Variants in FAH observed in about 807,000 individuals in gnomAD.
FAH encodes fumarylacetoacetate hydrolase, also known as fumarylacetoacetase.
Under a neutral mutation model 55.8 loss-of-function variants are expected in FAH, and 47 were observed. The observed-to-expected ratio is 0.84, with a 90% CI of 0.67 to 1.07. FAH has a LOEUF of 1.07. Ranked by LOEUF, FAH falls within the 50% of genes least tolerant of loss-of-function variation. The pLI, the probability that FAH is intolerant of heterozygous loss-of-function variation, is 0.00. For synonymous variants in FAH, 199 were observed against 207.7 expected (o/e 0.96, Z 0.36); for missense variants, 495 against 545.9 (o/e 0.91, Z 0.93).
intron 13 of FAH, 63 bp downstream of exon 13, chr15:80,181,222 C>A: frequency 8.5e-7 from 1 of 1,173,176 alleles, no homozygotes; most frequent in African/African-American, 1.5e-5. Context: ...GTTCTAGCTG[C>A]GGGGCGCTCC....
chr15:80,181,750 T>A (rs905542701), intron 13 of FAH, among the ~76,000 whole-genome samples: 10 of 151,524 alleles, frequency 6.6e-5, no homozygotes, highest in Non-Finnish European at 7.4e-5. Flanking sequence ...TCTTTAATTA[T>A]TTTTTTTGTT....
intron 3 of FAH, chr15:80,160,198 A>G: frequency 1.5e-6 from 1 of 660,536 alleles, no homozygotes; most frequent in East Asian, 2.7e-5. Context: ...CCACTTGTCT[A>G]GTCCCATTTC....
chr15:80,159,067 CT>C (rs1265426685), intron 2 of FAH, among the ~76,000 whole-genome samples: 1 of 151,784 alleles, frequency 6.6e-6, no homozygotes, highest in East Asian at 1.9e-4. Flanking sequence ...GTGAAACCCC[CT>C]CTCTACTAAA....
intron 13 of FAH, among the ~76,000 whole-genome samples, chr15:80,185,376 C>G (rs2041361891): frequency 6.6e-6 from 1 of 152,180 alleles, no homozygotes; most frequent in South Asian, 2.1e-4. Flanking sequence ...AAACTGAGGT[C>G]TAGAGGGACC....
intron 5 of FAH, among the ~76,000 whole-genome samples, chr15:80,165,201 G>A (rs1416199383): frequency 3.9e-5 from 6 of 152,208 alleles, no homozygotes; most frequent in African/African-American, 9.6e-5. Context: ...GACCAGCCTG[G>A]CCAATATGGT....
chr15:80,183,482 C>T (rs1344775458), intron 13 of FAH, among the ~76,000 whole-genome samples: 1 of 152,220 alleles, frequency 6.6e-6, no homozygotes, highest in Non-Finnish European at 1.5e-5. Context: ...TCTGCCCTCA[C>T]CTTCTACGAC....
intron 13 of FAH, among the ~76,000 whole-genome samples, chr15:80,182,512 T>C (rs2041339814): frequency 6.6e-6 from 1 of 152,172 alleles, no homozygotes; most frequent in African/African-American, 2.4e-5. Context: ...TAAATACCCA[T>C]TTTGCTCCCA....
chr15:80,161,535 A>G (rs572263087), intron 4 of FAH, among the ~76,000 whole-genome samples: 1 of 152,106 alleles, frequency 6.6e-6, no homozygotes, highest in East Asian at 1.9e-4. Context: ...CAGATTTTTA[A>G]TTCTCCGAAT....
chr15:80,168,387 C>A, intron 7 of FAH, 71 bp downstream of exon 7: 1 of 1,523,284 alleles, frequency 6.6e-7, no homozygotes, highest in Non-Finnish European at 9.0e-7. Flanking sequence ...TGGGATGGCT[C>A]CCCGCACCAT....
intron 13 of FAH, among the ~76,000 whole-genome samples, chr15:80,185,089 A>G (rs2041359623): frequency 6.6e-6 from 1 of 152,142 alleles, no homozygotes; most frequent in Non-Finnish European, 1.5e-5. Flanking sequence ...AGTTTCTGAG[A>G]TGTGCTGGGA....
chr15:80,174,971 C>A, intron 9 of FAH, 45 bp from the exon 10 acceptor site: 1 of 1,576,880 alleles, frequency 6.3e-7, no homozygotes, highest in South Asian at 1.1e-5. Flanking sequence ...CGGGTGAGCT[C>A]AGCCCACCTG....
intron 5 of FAH, among the ~76,000 whole-genome samples, chr15:80,164,052 A>G (rs1179438406): frequency 1.3e-5 from 2 of 152,240 alleles, no homozygotes; most frequent in African/African-American, 2.4e-5. Flanking sequence ...ATATATGTAC[A>G]TACACACTGT....
intron 2 of FAH, among the ~76,000 whole-genome samples, chr15:80,159,518 C>A (rs576268595): frequency 6.6e-6 from 1 of 152,332 alleles, no homozygotes. Flanking sequence ...CAGGTAGCAA[C>A]TCCTGGGCTT....
chr15:80,161,890 C>T (rs1195768982), intron 4 of FAH, among the ~76,000 whole-genome samples: 2 of 152,090 alleles, frequency 1.3e-5, no homozygotes, highest in African/African-American at 2.4e-5. Context: ...AGAAGTCAAT[C>T]AGTATAGGCG....
At chr15:80,173,440 C>G (rs1360338656) in intron 9 of FAH, 1 of 505,240 alleles carries the variant, frequency 2.0e-6, no homozygotes, top group Non-Finnish European at 3.6e-6. Flanking sequence ...CAGGAGGAGT[C>G]CCTGCAGGTA....
intron 10 of FAH, 139 bp from the exon 11 acceptor site, chr15:80,177,398 A>C: frequency 1.3e-6 from 1 of 793,912 alleles, no homozygotes; most frequent in Non-Finnish European, 2.1e-6. Context: ...CTGATGTCCT[A>C]GGAGCTAATT....
intron 1 of FAH, chr15:80,155,863 A>G: frequency 2.1e-6 from 1 of 467,836 alleles, no homozygotes; most frequent in Non-Finnish European, 4.2e-6. Context: ...CTATGCACTT[A>G]TAAGAAAGAT....
chr15:80,185,346 G>T (rs1036176069), intron 13 of FAH, among the ~76,000 whole-genome samples: 2 of 152,164 alleles, frequency 1.3e-5, no homozygotes, highest in African/African-American at 4.8e-5. Context: ...ACTATCATAA[G>T]ATCCATTGCA....
intron 7 of FAH, among the ~76,000 whole-genome samples, chr15:80,170,269 G>A (rs969189537): frequency 1.3e-5 from 2 of 152,246 alleles, no homozygotes; most frequent in Non-Finnish European, 2.9e-5. Context: ...AGTTTTAGGC[G>A]TTGCCTCAGG....
Sources: gnomAD v4.1 joint callset for allele counts (sites outside exome capture counted in the v4.1 genomes callset) on GRCh38, gnomAD v4.1.1 for gene constraint, MANE v1.5 for transcripts, NCBI Gene and HGNC (gene_info 2026-07-23, HGNC 2026-07-21) for gene names.